Variants in IQGAP1 observed in about 807,000 individuals in gnomAD.
IQGAP1 encodes the protein IQ motif containing GTPase activating protein 1.
A neutral mutation model predicts 215.6 loss-of-function variants in IQGAP1; 66 were observed. The ratio of observed to expected loss-of-function variants is 0.31; its 90% CI spans 0.25 to 0.38. The LOEUF (loss-of-function observed/expected upper bound fraction) is 0.38. Among genes scored for constraint, IQGAP1 ranks in the 10% least tolerant of loss-of-function variants. The pLI, the probability that IQGAP1 is intolerant of heterozygous loss-of-function variation, is 1.00. For synonymous variants in IQGAP1, 772 were observed against 728.7 expected (o/e 1.06, Z -0.96); for missense variants, 1,712 against 1,997.1 (o/e 0.86, Z 2.72).
intron 2 of IQGAP1, among the ~76,000 whole-genome samples, chr15:90,421,400 TG>T (rs1965133907): frequency 6.7e-6 from 1 of 149,290 alleles, no homozygotes; most frequent in Non-Finnish European, 1.5e-5. Flanking sequence ...TGCTTGAACT[TG>T]GGAGACGGAG....
chr15:90,474,827 TC>T, intron 23 of IQGAP1, 134 bp downstream of exon 23: 2 of 642,780 alleles, frequency 3.1e-6, no homozygotes, highest in South Asian at 3.9e-5. Flanking sequence ...TTTTTTTTTT[TC>T]TTTTGACTGA....
In IQGAP1 at chr15:90,477,080, A is replaced by G. The variant is rs1463767909; in HGVS notation, c.2954A>G (p.Tyr985Cys). The change falls in exon 25 of 38, where the codon TAT becomes TGT. Residue 985 changes from tyrosine (Y) to cysteine (C), a missense_variant. Physicochemically the swap from Tyr to Cys is radical, Grantham distance 194 (BLOSUM62 -2). This residue lies in a region of IQGAP1 where 691 missense variants were observed against 923.0 expected (regional missense o/e 0.75). Coordinates refer to ENST00000268182, the MANE Select transcript of IQGAP1 (RefSeq NM_003870.4). ...GTTTTATTTCAGACCAATCCCACCT[A>G]TCTGGCCAAGCTCATTTTTCAGATG... is the stretch of plus-strand genomic sequence containing the variant. ...LFYLLQTNPT[Y>C]LAKLIFQMPQ... is the part of the protein sequence containing the mutation. The G allele has an allele frequency of 2.5e-6, 4 of 1,613,990 alleles. No homozygotes were observed. The highest frequency in any genetic ancestry group is 2.7e-5 in the African/African-American group (2 of 74,922).
intron 12 of IQGAP1, 70 bp from the exon 13 acceptor site, chr15:90,453,062 A>G: frequency 1.9e-6 from 3 of 1,554,122 alleles, no homozygotes; most frequent in Non-Finnish European, 2.6e-6. Flanking sequence ...AGTTTTATTA[A>G]ACTTATAACT....
rs1965346885 is a variant in IQGAP1 at position 90,434,666 on chromosome 15, C to T, written c.467+871C>T. 3.3e-5 allele frequency among the ~76,000 whole-genome samples: 5 copies of T among 152,072 alleles called. 1 individual carries two copies. The South Asian group carries it at 8.3e-4, about 25-fold the overall frequency. ...GTAGATGCTTATACAGGTTGAATAT[C>T]CCTTCTCTGAAATGCTTGGGACCAG... On this transcript the variant is annotated intron_variant, in intron 5 of 37. Transcript: ENST00000268182.
intron 34 of IQGAP1, among the ~76,000 whole-genome samples, chr15:90,492,123 G>A (rs1396332330): frequency 6.6e-6 from 1 of 152,162 alleles, no homozygotes; most frequent in African/African-American, 2.4e-5. Context: ...GAAAATTTGA[G>A]ATCTGAATTT....
chr15:90,492,450 T>A, intron 34 of IQGAP1, 95 bp from the exon 35 acceptor site: 1 of 710,974 alleles, frequency 1.4e-6, no homozygotes. Context: ...AAGTAGGTAG[T>A]CATATTTAAG....
intron 31 of IQGAP1, 40 bp from the exon 32 acceptor site, chr15:90,486,914 C>G (rs1204935511): frequency 1.9e-6 from 3 of 1,597,124 alleles, no homozygotes; most frequent in Non-Finnish European, 2.6e-6. Flanking sequence ...TATCTCCTCT[C>G]TTTATTACGC....
rs763184083 is a variant in IQGAP1, at chr15:90,426,260, A to G, written c.306A>G (p.Arg102=). ...AAATCTATGATCGAGAACAGACCAG[A>G]TACAAGGTGAGTCCTTCCTTGCTTT... ...LKKIYDREQT[R]YKATGLHFRH... Residue 102 remains arginine (R), a synonymous_variant, in exon 3 of 38, where the codon AGA becomes AGG. Transcript: ENST00000268182. The G allele has an allele frequency of 4.4e-6, 7 of 1,586,846 alleles. No homozygotes were observed. In the East Asian group the frequency reaches 9.2e-5, roughly 21 times the overall value.
intron 33 of IQGAP1, 69 bp downstream of exon 33, chr15:90,487,651 A>G: frequency 1.9e-6 from 2 of 1,033,934 alleles, no homozygotes; most frequent in Non-Finnish European, 3.0e-6. Context: ...CATGTCAGAG[A>G]AAGGAGGGGA....
chr15:90,411,009 A>G (rs1031126151), intron 2 of IQGAP1, among the ~76,000 whole-genome samples: 1 of 152,098 alleles, frequency 6.6e-6, no homozygotes, highest in African/African-American at 2.4e-5. Context: ...TGTTCAATTC[A>G]TGGAGTTTTC....
At chr15:90,487,728 G>A in intron 33 of IQGAP1, 146 bp downstream of exon 33, 1 of 626,170 alleles carries the variant, frequency 1.6e-6, no homozygotes. Flanking sequence ...GGTAGTTATG[G>A]CTCGTCTGAG....
intron 4 of IQGAP1, among the ~76,000 whole-genome samples, chr15:90,432,137 C>T (rs1052555751): frequency 2.6e-5 from 4 of 152,262 alleles, no homozygotes; most frequent in African/African-American, 9.6e-5. Flanking sequence ...GGCTGCTGGA[C>T]ATTTCTCCTT....
chr15:90,418,898 G>A (rs1437795277), intron 2 of IQGAP1, among the ~76,000 whole-genome samples: 1 of 152,164 alleles, frequency 6.6e-6, no homozygotes, highest in African/African-American at 2.4e-5. Context: ...TGTAATCCCA[G>A]CACTTTGGGA....
intron 9 of IQGAP1, among the ~76,000 whole-genome samples, chr15:90,446,423 A>T (rs1284735765): frequency 6.6e-6 from 1 of 152,210 alleles, no homozygotes; most frequent in East Asian, 1.9e-4. Flanking sequence ...GGGCAGCTTG[A>T]TTAGAGCAAG....
Position 90,483,734 on chromosome 15 carries a change from G to A in IQGAP1, c.3788+141G>A. 1.7e-5 allele frequency: 11 copies of A among 629,416 alleles called. No individual in the cohort carries two copies. In the South Asian group the frequency reaches 2.0e-4, roughly 11 times the overall value. 39.0% of individuals were successfully genotyped at this position (629,416 alleles called of 1,614,324 possible). A position where few individuals can be genotyped will look rare whatever the true frequency, so the allele number is the denominator to read the frequency against. On this transcript the variant is annotated intron_variant, in intron 29 of 37. Coordinates refer to ENST00000268182, the MANE Select transcript of IQGAP1 (RefSeq NM_003870.4). Reference sequence around the variant, plus strand: ...CGTGTTTGATGTGCCCAGGATTCCAGAAGATGATCCATTTACTTTGAAGAG... The same window carrying A: ...CGTGTTTGATGTGCCCAGGATTCCAAAAGATGATCCATTTACTTTGAAGAG...
intron 2 of IQGAP1, among the ~76,000 whole-genome samples, chr15:90,425,861 G>T (rs1286046729): frequency 1.3e-5 from 2 of 152,210 alleles, no homozygotes. Flanking sequence ...AGCTGGCTGT[G>T]TTGCTGCAGC....
At chr15:90,417,619 T>G (rs1215564088) in intron 2 of IQGAP1, among the ~76,000 whole-genome samples, 1 of 152,218 alleles carries the variant, frequency 6.6e-6, no homozygotes, top group Non-Finnish European at 1.5e-5. Flanking sequence ...ATTGTAGCCT[T>G]GTAGTATAGT....
At chr15:90,435,297 C>T (rs770719771) in intron 5 of IQGAP1, among the ~76,000 whole-genome samples, 6 of 151,908 alleles carry the variant, frequency 3.9e-5, no homozygotes, top group Non-Finnish European at 8.8e-5. Flanking sequence ...GGCAACGTAG[C>T]GAGACCCCAT....
At position 90,452,818 on chromosome 15, in the gene IQGAP1, T is replaced by C. The variant is rs1596273826; in HGVS notation, c.1206T>C (p.Gly402=). The C allele has an allele frequency of 6.2e-7, 1 of 1,614,046 alleles. No homozygotes were observed. Among genetic ancestry groups the C allele is most frequent in the South Asian group, 1.1e-5 (1 of 91,078 alleles). ...TGATTAATGCTGCAATCCAGAAGGG[T>C]GTTGCTGAGAAGACTGTTTTGGAAC... ...VALINAAIQK[G]VAEKTVLELM... is the part of the protein sequence containing the mutation. The change falls in exon 12 of 38, where the codon GGT becomes GGC. Residue 402 remains glycine (G), a synonymous_variant. Coordinates refer to ENST00000268182, the MANE Select transcript of IQGAP1 (RefSeq NM_003870.4).
Sources: allele counts gnomAD v4.1 joint callset (sites outside exome capture counted in the v4.1 genomes callset), GRCh38; gene constraint gnomAD v4.1.1; regional missense constraint gnomAD v4.1.1; transcripts MANE v1.5; gene names NCBI Gene and HGNC (gene_info 2026-07-23, HGNC 2026-07-21).